The following HTR1F variants were observed in gnomAD, a reference collection of about 807,000 sequenced individuals.
The protein encoded by HTR1F is 5-hydroxytryptamine (serotonin) receptor 1F, G protein-coupled.
Under a neutral mutation model 24.0 loss-of-function variants are expected in HTR1F, and 17 were observed. That is an observed-to-expected ratio of 0.71 (90% CI 0.48 to 1.06). The LOEUF is 1.06. HTR1F is among the 50% of genes least tolerant of loss of function. The pLI, the probability that HTR1F is intolerant of heterozygous loss-of-function variation, is 0.00. For synonymous variants in HTR1F, 186 were observed against 156.8 expected, an observed-to-expected ratio of 1.19 and a Z score of -1.39; for missense variants, 391 against 427.8, an observed-to-expected ratio of 0.91 and a Z score of 0.76.
chr3:87,911,741 G>A (rs552746033), intron 2 of HTR1F, among the ~76,000 whole-genome samples: 1 of 152,016 alleles, frequency 6.6e-6, no homozygotes, highest in Non-Finnish European at 1.5e-5. Flanking sequence ...TTTTATCCCA[G>A]GAATGCAAGA....
intron 2 of HTR1F, among the ~76,000 whole-genome samples, chr3:87,884,082 G>C (rs1239252224): frequency 6.6e-6 from 1 of 152,068 alleles, no homozygotes; most frequent in Non-Finnish European, 1.5e-5. Context: ...AAATGTTAAG[G>C]GCAGCCAGAA....
chr3:87,912,795 A>T (rs1211611652), intron 2 of HTR1F, among the ~76,000 whole-genome samples: 1 of 152,122 alleles, frequency 6.6e-6, no homozygotes, highest in Admixed American at 6.6e-5. Flanking sequence ...CACACCTACA[A>T]TCATCTGATC....
At chr3:87,923,925 G>A (rs1704067406) in intron 2 of HTR1F, among the ~76,000 whole-genome samples, 1 of 151,964 alleles carries the variant, frequency 6.6e-6, no homozygotes, top group Non-Finnish European at 1.5e-5. Context: ...TTGCATCTCT[G>A]TTCATTGAGG....
chr3:87,858,113 G>A (rs1170987089), intron 2 of HTR1F, among the ~76,000 whole-genome samples: 1 of 152,092 alleles, frequency 6.6e-6, no homozygotes, highest in Non-Finnish European at 1.5e-5. Context: ...TCAGGCCCTG[G>A]TCTAATTATT....
chr3:87,891,864 T>G (rs776047735), intron 2 of HTR1F, among the ~76,000 whole-genome samples: 1 of 152,190 alleles, frequency 6.6e-6, no homozygotes, highest in Non-Finnish European at 1.5e-5. Flanking sequence ...TTCATTAACT[T>G]TATAATCACC....
intron 2 of HTR1F, among the ~76,000 whole-genome samples, chr3:87,903,220 G>T (rs1706372498): frequency 6.6e-6 from 1 of 150,856 alleles, no homozygotes. Context: ...CATGGGCAAG[G>T]ACTTCATGTC....
At chr3:87,852,092 C>T (rs149286309) in intron 2 of HTR1F, among the ~76,000 whole-genome samples, 1 of 151,264 alleles carries the variant, frequency 6.6e-6, no homozygotes, top group Non-Finnish European at 1.5e-5. Context: ...TTTATTGATA[C>T]TTTCATGGGC....
At chr3:87,878,247 C>T (rs1875715) in intron 2 of HTR1F, among the ~76,000 whole-genome samples, 2 of 151,918 alleles carry the variant, frequency 1.3e-5, no homozygotes, top group African/African-American at 4.8e-5. Flanking sequence ...CATTTATGAA[C>T]CAGATCACTG....
At chr3:87,936,710 G>A (rs901881614) in intron 2 of HTR1F, among the ~76,000 whole-genome samples, 1 of 152,070 alleles carries the variant, frequency 6.6e-6, no homozygotes, top group Admixed American at 6.6e-5. Flanking sequence ...AAATCACGGA[G>A]CATAAACAAC....
intron 2 of HTR1F, among the ~76,000 whole-genome samples, chr3:87,965,568 T>C (rs1705147326): frequency 6.6e-6 from 1 of 152,172 alleles, no homozygotes; most frequent in African/African-American, 2.4e-5. Flanking sequence ...TTTGAAAGTA[T>C]GCTGGCTTCT....
intron 2 of HTR1F, among the ~76,000 whole-genome samples, chr3:87,962,886 T>C (rs1705091031): frequency 6.6e-6 from 1 of 151,974 alleles, no homozygotes. Flanking sequence ...CCAGATATTC[T>C]CTCTTTGGTT....
intron 2 of HTR1F, among the ~76,000 whole-genome samples, chr3:87,831,637 C>G (rs1704583091): frequency 6.6e-6 from 1 of 152,118 alleles, no homozygotes; most frequent in Admixed American, 6.5e-5. Context: ...GCTGGGATTA[C>G]AGGCGTGAGC....
intron 2 of HTR1F, among the ~76,000 whole-genome samples, chr3:87,856,707 T>C (rs1445164465): frequency 6.6e-6 from 1 of 152,004 alleles, no homozygotes; most frequent in African/African-American, 2.4e-5. Flanking sequence ...TTTAGAAAAA[T>C]TTTTCAGAAT....
intron 1 of HTR1F, among the ~76,000 whole-genome samples, chr3:87,795,978 A>G (rs961735779): frequency 1.3e-5 from 2 of 152,196 alleles, no homozygotes; most frequent in African/African-American, 2.4e-5. Context: ...CCCAGGGTAC[A>G]GAGCTCGTAT....
At chr3:87,859,797 A>G (rs1333646319) in intron 2 of HTR1F, among the ~76,000 whole-genome samples, 1 of 152,166 alleles carries the variant, frequency 6.6e-6, no homozygotes, top group East Asian at 1.9e-4. Context: ...TAAATTCCAA[A>G]TCATAACTGA....
intron 2 of HTR1F, among the ~76,000 whole-genome samples, chr3:87,966,006 G>GTC (rs1470373764): frequency 6.6e-6 from 1 of 152,134 alleles, no homozygotes; most frequent in Non-Finnish European, 1.5e-5. Context: ...CATTAGAAGA[G>GTC]TCTCTTATTG....
At chr3:87,901,079 C>T (rs1465648) in intron 2 of HTR1F, among the ~76,000 whole-genome samples, 57,960 of 152,034 alleles carry the variant, frequency 0.38, 15,554 homozygotes, top group African/African-American at 0.77. Context: ...AGTTTGACTT[C>T]GCAACAGTGC....
intron 2 of HTR1F, among the ~76,000 whole-genome samples, chr3:87,847,035 T>C (rs1053872046): frequency 4.0e-5 from 6 of 151,486 alleles, no homozygotes; most frequent in Non-Finnish European, 7.4e-5. Flanking sequence ...AAAACAAAAA[T>C]AGCCCAAACA....
At chr3:87,823,057 C>T (rs1704390165) in intron 2 of HTR1F, among the ~76,000 whole-genome samples, 1 of 152,100 alleles carries the variant, frequency 6.6e-6, no homozygotes, top group African/African-American at 2.4e-5. Context: ...AAGATTAATG[C>T]AACCATAGGA....
Sources: gnomAD v4.1 joint callset for allele counts (sites outside exome capture counted in the v4.1 genomes callset) on GRCh38, gnomAD v4.1.1 for gene constraint, MANE v1.5 for transcripts, NCBI Gene and HGNC (gene_info 2026-07-23, HGNC 2026-07-21) for gene names.